CCDC148: variants seen among roughly 807,000 people sequenced by gnomAD.
CCDC148 encodes coiled-coil domain-containing protein 148.
CCDC148 carries 89 observed loss-of-function variants against 85.7 expected under a neutral mutation model. The ratio of observed to expected loss-of-function variants is 1.04; its 90% CI spans 0.87 to 1.24. The LOEUF is 1.24. Ranked by LOEUF, CCDC148 falls within the 50% of genes most tolerant of loss-of-function variation. The pLI, the probability that CCDC148 is intolerant of heterozygous loss-of-function variation, is 0.00. For missense variants in CCDC148, 692 were observed against 671.7 expected, an observed-to-expected ratio of 1.03 and a Z score of -0.33; for synonymous variants, 230 against 213.9, an observed-to-expected ratio of 1.08 and a Z score of -0.66.
chr2:158,219,405 C>T (rs761817770), intron 11 of CCDC148, among the ~76,000 whole-genome samples: 8 of 152,118 alleles, frequency 5.3e-5, no homozygotes, highest in African/African-American at 1.2e-4. Context: ...GGAGGTGGAC[C>T]CTCTATCTAT....
intron 10 of CCDC148, among the ~76,000 whole-genome samples, chr2:158,235,291 AT>A (rs1688051735): frequency 6.6e-6 from 1 of 152,234 alleles, no homozygotes; most frequent in South Asian, 2.1e-4. Context: ...TCCAAATTCT[AT>A]TCCTGTATCA....
chr2:158,280,149 G>C (rs190968051), intron 9 of CCDC148, among the ~76,000 whole-genome samples: 7,798 of 152,114 alleles, frequency 0.051, 431 homozygotes, highest in African/African-American at 0.13. Flanking sequence ...AAAGGAACAA[G>C]TGGTACCAGC....
At chr2:158,250,280 T>C (rs1688736107) in intron 10 of CCDC148, among the ~76,000 whole-genome samples, 1 of 152,022 alleles carries the variant, frequency 6.6e-6, no homozygotes, top group African/African-American at 2.4e-5. Context: ...TTTGTGTTAG[T>C]AAATGAAAAA....
At chr2:158,389,145 A>G (rs1025259963) in intron 1 of CCDC148, among the ~76,000 whole-genome samples, 3 of 152,218 alleles carry the variant, frequency 2.0e-5, no homozygotes, top group Non-Finnish European at 4.4e-5. Context: ...TTGAAATAAC[A>G]CAAAGTATTT....
intron 1 of CCDC148, among the ~76,000 whole-genome samples, chr2:158,363,680 AT>A (rs769162524): frequency 7.9e-5 from 12 of 152,210 alleles, no homozygotes; most frequent in Non-Finnish European, 1.3e-4. Flanking sequence ...AATTAGAGCT[AT>A]TTATGATAAA....
chr2:158,330,003 T>G (rs1693009128), intron 7 of CCDC148, among the ~76,000 whole-genome samples: 2 of 152,230 alleles, frequency 1.3e-5, no homozygotes, highest in African/African-American at 4.8e-5. Context: ...CTTTATTTCC[T>G]TCTCCTGCCT....
intron 1 of CCDC148, among the ~76,000 whole-genome samples, chr2:158,364,283 C>T (rs1323493095): frequency 1.3e-5 from 2 of 152,196 alleles, no homozygotes; most frequent in Admixed American, 6.5e-5. Context: ...CTACCACTGA[C>T]TTTCTTCACA....
At chr2:158,342,696 C>G (rs577077606) in intron 3 of CCDC148, among the ~76,000 whole-genome samples, 2 of 152,250 alleles carry the variant, frequency 1.3e-5, no homozygotes, top group Admixed American at 1.3e-4. Context: ...AGGTAGACAC[C>G]TGAAGGCTCA....
intron 12 of CCDC148, 58 bp downstream of exon 12, chr2:158,178,821 C>A (rs1462040085): frequency 1.7e-6 from 2 of 1,176,436 alleles, no homozygotes; most frequent in East Asian, 4.8e-5. Flanking sequence ...CTATTAAGAG[C>A]ACTTAGAAAC....
intron 1 of CCDC148, among the ~76,000 whole-genome samples, chr2:158,432,919 C>G (rs1687421752): frequency 2.0e-5 from 3 of 150,652 alleles, no homozygotes; most frequent in Admixed American, 2.0e-4. Flanking sequence ...TGTGATGCCT[C>G]AAATCATACA....
intron 7 of CCDC148, among the ~76,000 whole-genome samples, chr2:158,331,747 T>G (rs1693138592): frequency 6.6e-6 from 1 of 152,246 alleles, no homozygotes; most frequent in Non-Finnish European, 1.5e-5. Context: ...ATTGATCCCT[T>G]TACCATTATG....
intron 1 of CCDC148, among the ~76,000 whole-genome samples, chr2:158,369,002 T>C (rs1011584877): frequency 3.3e-5 from 5 of 152,090 alleles, no homozygotes; most frequent in Admixed American, 2.6e-4. Context: ...TTGTACTACA[T>C]ATGGATAGCA....
At chr2:158,355,871 C>T (rs1683603280) in intron 2 of CCDC148, among the ~76,000 whole-genome samples, 1 of 133,678 alleles carries the variant, frequency 7.5e-6, no homozygotes, top group Non-Finnish European at 1.5e-5. Context: ...GGTACTGGTA[C>T]CAAAACAGAG....
intron 10 of CCDC148, among the ~76,000 whole-genome samples, chr2:158,248,455 G>A (rs6437155): frequency 1.3e-5 from 2 of 152,042 alleles, no homozygotes; most frequent in South Asian, 4.1e-4. Context: ...AATAAAATAA[G>A]TCGTATGCCT....
chr2:158,297,013 C>T lies in CCDC148; in HGVS notation c.1110+12420G>A, dbSNP rs112305338. 4.8e-3 allele frequency among the ~76,000 whole-genome samples: 732 copies of T among 152,306 alleles called. 3 individuals are homozygous for T. Among genetic ancestry groups the T allele is most frequent in the Middle Eastern group, 0.027 (8 of 294 alleles). Reference sequence around the variant, plus strand: ...ACCACAGGGAACTTCTCCATAAATGCTCCCAACTGCCGTGACTATAGGGAA... The same window carrying T: ...ACCACAGGGAACTTCTCCATAAATGTTCCCAACTGCCGTGACTATAGGGAA... On this transcript the variant is annotated intron_variant, in intron 9 of 13. Transcript: ENST00000283233.
At chr2:158,351,384 T>G in intron 2 of CCDC148, among the ~76,000 whole-genome samples, 1 of 152,098 alleles carries the variant, frequency 6.6e-6, no homozygotes, top group Non-Finnish European at 1.5e-5. Context: ...GGGCGCAACG[T>G]GCGCGAGCCG....
intron 2 of CCDC148, among the ~76,000 whole-genome samples, chr2:158,346,469 C>T (rs1475217049): frequency 6.6e-6 from 1 of 152,118 alleles, no homozygotes; most frequent in African/African-American, 2.4e-5. Context: ...GCAGTGATTT[C>T]CTGTACTTGT....
At chr2:158,449,990 A>T (rs1433858066) in intron 1 of CCDC148, among the ~76,000 whole-genome samples, 49 of 144,174 alleles carry the variant, frequency 3.4e-4, no homozygotes, top group African/African-American at 4.0e-4. Flanking sequence ...TGTCATCTTC[A>T]TTTTTTTTTT....
intron 2 of CCDC148, among the ~76,000 whole-genome samples, chr2:158,350,660 C>T (rs1021805696): frequency 1.3e-5 from 2 of 152,112 alleles, no homozygotes; most frequent in African/African-American, 4.8e-5. Flanking sequence ...TCTCAAATAT[C>T]TAAAAATTGG....
Sources: gnomAD v4.1 joint callset for allele counts (sites outside exome capture counted in the v4.1 genomes callset) on GRCh38, gnomAD v4.1.1 for gene constraint, MANE v1.5 for transcripts, NCBI Gene and HGNC (gene_info 2026-07-23, HGNC 2026-07-21) for gene names.